The following KDM6A variants were observed in gnomAD, a reference collection of about 807,000 sequenced individuals.
The protein encoded by KDM6A is lysine demethylase 6A.
In KDM6A, 11 loss-of-function variants were observed where a neutral mutation model predicts 117.6. That is an observed-to-expected ratio of 0.09 (90% CI 0.06 to 0.15). The LOEUF (loss-of-function observed/expected upper bound fraction) is 0.15, where lower values mean the gene tolerates loss of function less well. Among genes scored for constraint, KDM6A ranks in the 10% least tolerant of loss-of-function variants. The probability of loss-of-function intolerance (pLI) is 1.00; values close to 1 mark genes in which losing one functional copy is unlikely to be tolerated. For missense variants in KDM6A, 799 were observed against 1,077.3 expected, an observed-to-expected ratio of 0.74 and a Z score of 3.62; for synonymous variants, 384 against 396.1, an observed-to-expected ratio of 0.97 and a Z score of 0.36.
intron 4 of KDM6A, among the ~76,000 whole-genome samples, chrX:44,997,113 C>CTT (rs959410473): frequency 1.8e-5 from 2 of 111,810 alleles, no homozygotes; most frequent in Non-Finnish European, 3.8e-5. Context: ...AGAGGGTGCT[C>CTT]TTTTAGTTTG....
intron 5 of KDM6A, 79 bp from the exon 6 acceptor site, chrX:45,020,531 A>C (rs1353759194): frequency 4.4e-5 from 43 of 988,068 alleles, no homozygotes; most frequent in Non-Finnish European, 5.7e-5. Flanking sequence ...TGCATAAAAC[A>C]GAAGTTTCAA....
rs1234804635 is a variant in KDM6A, at chrX:45,066,430, A to G, written c.2079+2613A>G. Among the ~76,000 whole-genome samples the G allele has an allele frequency of 2.7e-5, 3 of 111,463 alleles. No individual in the cohort carries two copies. In the East Asian group the frequency reaches 8.4e-4, roughly 31 times the overall value. On this transcript the variant is annotated intron_variant, in intron 17 of 29. Coordinates refer to ENST00000611820, the MANE Select transcript of KDM6A (RefSeq NM_001291415.2). ...TGTCTTGTTGTTGTTTTAAATTTAA[A>G]ATGAGAGAAATAACAGTAAAAGTCA... is the stretch of plus-strand genomic sequence containing the variant.
chrX:44,922,055 T>A (rs1236259446), intron 2 of KDM6A, among the ~76,000 whole-genome samples: 1 of 64,923 alleles, frequency 1.5e-5, no homozygotes, highest in Non-Finnish European at 3.0e-5. Context: ...TTTTTTTTTT[T>A]TTTTTTTTTA....
chrX:44,987,866 G>T (rs917715233), intron 4 of KDM6A, among the ~76,000 whole-genome samples: 93 of 110,962 alleles, frequency 8.4e-4, no homozygotes, highest in African/African-American at 2.9e-3. Flanking sequence ...CAACTTTGGT[G>T]AATCTGACCA....
At chrX:45,078,593 T>C (rs2045245621) in intron 20 of KDM6A, 88 bp downstream of exon 20, 10 of 718,679 alleles carry the variant, frequency 1.4e-5, no homozygotes, top group Non-Finnish European at 2.0e-5. Flanking sequence ...CTTTTCTTTT[T>C]TTTCTTTTTT....
At chrX:44,977,596 G>A (rs887075556) in intron 4 of KDM6A, among the ~76,000 whole-genome samples, 3 of 111,262 alleles carry the variant, frequency 2.7e-5, no homozygotes, top group Non-Finnish European at 5.7e-5. Flanking sequence ...TGATTCTTTA[G>A]TATAGATTCC....
intron 2 of KDM6A, among the ~76,000 whole-genome samples, chrX:44,889,714 A>T (rs970103103): frequency 8.9e-6 from 1 of 112,307 alleles, no homozygotes; most frequent in Non-Finnish European, 1.9e-5. Context: ...TTAACAATCT[A>T]ACGTAAGTTT....
intron 4 of KDM6A, among the ~76,000 whole-genome samples, chrX:45,002,792 C>T (rs946191761): frequency 2.8e-5 from 3 of 107,871 alleles, no homozygotes; most frequent in East Asian, 5.8e-4. Context: ...CTTTAAACAA[C>T]CAGTTAATTT....
chrX:45,083,508 T>G lies in KDM6A; in HGVS notation c.3489T>G (p.Arg1163=). Residue 1163 remains arginine (R), a synonymous_variant, in exon 24 of 30, where the codon CGT becomes CGG. Transcript: ENST00000611820. ...HELTKLPAFV[R]VVSAGNLLSH... Reference sequence around the variant, plus strand: ...TGACTAAACTTCCTGCTTTTGTGCGTGTCGTATCAGCAGGAAATCTTCTAA... The same window carrying G: ...TGACTAAACTTCCTGCTTTTGTGCGGGTCGTATCAGCAGGAAATCTTCTAA... 8.3e-7 allele frequency: 1 copy of G among 1,208,801 alleles called. No homozygotes were observed. Among genetic ancestry groups the G allele is most frequent in the African/African-American group, 1.7e-5 (1 of 57,706 alleles).
At chrX:45,030,151 A>G (rs2042544054) in intron 6 of KDM6A, among the ~76,000 whole-genome samples, 1 of 110,355 alleles carries the variant, frequency 9.1e-6, no homozygotes, top group Non-Finnish European at 1.9e-5. Flanking sequence ...CTGAATGGCG[A>G]TAAGTCATTT....
At chrX:44,919,376 T>C (rs955122492) in intron 2 of KDM6A, among the ~76,000 whole-genome samples, 1 of 110,901 alleles carries the variant, frequency 9.0e-6, no homozygotes, top group East Asian at 2.8e-4. Context: ...TATTAGATGC[T>C]CCTCTACTGG....
chrX:44,875,267 C>T (rs1487381906), intron 2 of KDM6A, among the ~76,000 whole-genome samples: 6 of 111,990 alleles, frequency 5.4e-5, no homozygotes, highest in Non-Finnish European at 1.1e-4. Context: ...TTTTGTTGTT[C>T]TGAATTTTTG....
chrX:44,958,604 C>CTTTT (rs34006049), intron 2 of KDM6A, among the ~76,000 whole-genome samples: 1,011 of 56,406 alleles, frequency 0.018, 151 homozygotes, highest in African/African-American at 0.087. Flanking sequence ...CTATATAGAC[C>CTTTT]TTTTTTTTTT....
chrX:45,083,218 TATA>T (rs1371902458), intron 23 of KDM6A, among the ~76,000 whole-genome samples: 4 of 112,057 alleles, frequency 3.6e-5, no homozygotes, highest in African/African-American at 1.3e-4. Context: ...ATTTATAAAA[TATA>T]ATTGTACAAC....
In KDM6A at chrX:45,063,774, G is replaced by T; in HGVS notation, c.2036G>T (p.Ser679Ile). ...LPHNRTNLTS[S>I]AEEPWKNQLS... ...CATAACCGCACAAACCTGACCAGCA[G>T]CGCAGAGGAGCCGTGGAAAAACCAA... The change falls in exon 17 of 30, where the codon AGC (serine) becomes ATC (isoleucine). Residue 679 changes from serine (S) to isoleucine (I), a missense_variant. Physicochemically the swap from Ser to Ile is moderately radical, Grantham distance 142 (BLOSUM62 -2). Transcript: ENST00000611820. The T allele has an allele frequency of 3.3e-6, 4 of 1,205,430 alleles. No individual in the cohort carries two copies. The highest frequency in any genetic ancestry group is 4.5e-6 in the Non-Finnish European group (4 of 891,945).
chrX:45,053,546 A>G (rs775838724), intron 9 of KDM6A, among the ~76,000 whole-genome samples: 1 of 112,497 alleles, frequency 8.9e-6, no homozygotes, highest in Admixed American at 9.4e-5. Context: ...CAGATATCAA[A>G]ATTAGAAAAG....
intron 2 of KDM6A, among the ~76,000 whole-genome samples, chrX:44,916,978 C>T (rs1450241348): frequency 9.2e-6 from 1 of 108,972 alleles, no homozygotes; most frequent in East Asian, 2.9e-4. Flanking sequence ...TTTGTCTTTC[C>T]TGCATGATTG....
At chrX:44,940,514 T>A (rs2037240700) in intron 2 of KDM6A, among the ~76,000 whole-genome samples, 1 of 111,998 alleles carries the variant, frequency 8.9e-6, no homozygotes, top group Non-Finnish European at 1.9e-5. Context: ...AAATCTCAAA[T>A]TTGATCATTG....
intron 2 of KDM6A, among the ~76,000 whole-genome samples, chrX:44,896,791 C>T (rs2033902719): frequency 9.1e-6 from 1 of 109,872 alleles, no homozygotes; most frequent in Non-Finnish European, 1.9e-5. Context: ...AAGTACTTGA[C>T]AAGTGTTGTG....
Sources: gnomAD v4.1 joint callset for allele counts (sites outside exome capture counted in the v4.1 genomes callset) on GRCh38, gnomAD v4.1.1 for gene constraint, MANE v1.5 for transcripts, NCBI Gene and HGNC (gene_info 2026-07-23, HGNC 2026-07-21) for gene names.